Variants in TRAPPC9 observed in about 807,000 individuals in gnomAD.
The protein encoded by TRAPPC9 is IKK2 binding protein.
In TRAPPC9, 83 loss-of-function variants were observed where a neutral mutation model predicts 124.0. That is an observed-to-expected ratio of 0.67 (90% CI 0.56 to 0.80). TRAPPC9 has a LOEUF of 0.80. Ranked by LOEUF, TRAPPC9 falls within the 30% of genes least tolerant of loss-of-function variation. The pLI is 0.00. For missense variants in TRAPPC9, 1,302 were observed against 1,508.3 expected, an observed-to-expected ratio of 0.86 and a Z score of 2.27; for synonymous variants, 638 against 617.5, an observed-to-expected ratio of 1.03 and a Z score of -0.49.
intron 21 of TRAPPC9, among the ~76,000 whole-genome samples, chr8:139,864,195 A>T (rs1156939479): frequency 2.6e-5 from 4 of 152,208 alleles, no homozygotes; most frequent in African/African-American, 7.2e-5. Flanking sequence ...AAGAGATTCC[A>T]TTCACTGGTA....
chr8:140,223,369 G>A (rs915811717), intron 16 of TRAPPC9, among the ~76,000 whole-genome samples: 2 of 152,202 alleles, frequency 1.3e-5, no homozygotes, highest in Non-Finnish European at 1.5e-5. Context: ...CATACTGGCA[G>A]TCATTGATCC....
chr8:140,451,628 G>A (rs932361300), intron 1 of TRAPPC9, among the ~76,000 whole-genome samples: 29 of 152,162 alleles, frequency 1.9e-4, no homozygotes, highest in African/African-American at 7.0e-4. Context: ...GCTGTTTCTT[G>A]TCTTTCTATT....
intron 21 of TRAPPC9, among the ~76,000 whole-genome samples, chr8:139,793,288 G>A (rs959322120): frequency 2.0e-5 from 3 of 152,200 alleles, no homozygotes; most frequent in Non-Finnish European, 4.4e-5. Context: ...TTCCATCCAC[G>A]CAAAGTGCCC....
At chr8:140,191,114 C>T (rs1587889889) in intron 17 of TRAPPC9, among the ~76,000 whole-genome samples, 1 of 152,184 alleles carries the variant, frequency 6.6e-6, no homozygotes, top group Non-Finnish European at 1.5e-5. Flanking sequence ...CAAGTGCATT[C>T]GCTCAGGCTT....
chr8:140,349,828 T>TA (rs1165921613), intron 9 of TRAPPC9, among the ~76,000 whole-genome samples: 1 of 152,046 alleles, frequency 6.6e-6, no homozygotes, highest in Admixed American at 6.5e-5. Context: ...CTGATGAGGG[T>TA]AACGGGCTGC....
chr8:140,401,646 CAG>C (rs1337046320), intron 6 of TRAPPC9, among the ~76,000 whole-genome samples: 1 of 151,540 alleles, frequency 6.6e-6, no homozygotes, highest in Non-Finnish European at 1.5e-5. Flanking sequence ...TTTTTTGAGA[CAG>C]AGTCTTGCTC....
rs763921174 is a variant in TRAPPC9 at position 139,857,393 on chromosome 8, C to T, written c.3055+28486G>A. Among the ~76,000 whole-genome samples the T allele has an allele frequency of 1.9e-3, 287 of 152,216 alleles. 6 individuals are homozygous for T. Among genetic ancestry groups the T allele is most frequent in the Non-Finnish European group, 2.4e-3 (161 of 68,026 alleles). ...GCTCGCTGACAATCTGAGTGCGATT[C>T]TCCCCACATCCCAACAGCAACCCAA... is the stretch of plus-strand genomic sequence containing the variant. On this transcript the variant is annotated intron_variant, in intron 21 of 22. Transcript: ENST00000438773.
At chr8:140,183,196 G>T (rs922306142) in intron 17 of TRAPPC9, among the ~76,000 whole-genome samples, 2 of 152,164 alleles carry the variant, frequency 1.3e-5, no homozygotes, top group African/African-American at 4.8e-5. Context: ...TTGGGCACTG[G>T]AAGGGAATAA....
intron 21 of TRAPPC9, among the ~76,000 whole-genome samples, chr8:139,771,686 C>T (rs544093569): frequency 4.6e-5 from 7 of 152,324 alleles, no homozygotes; most frequent in Non-Finnish European, 1.0e-4. Flanking sequence ...GAGGACCACA[C>T]GGATATTTGT....
intron 19 of TRAPPC9, among the ~76,000 whole-genome samples, chr8:139,941,106 G>A (rs1833889467): frequency 6.6e-6 from 1 of 152,212 alleles, no homozygotes; most frequent in Admixed American, 6.5e-5. Context: ...GCCTGTCTGG[G>A]CCTCAGCTGC....
chr8:139,739,742 C>T (rs1400617345), intron 21 of TRAPPC9, among the ~76,000 whole-genome samples: 1 of 152,226 alleles, frequency 6.6e-6, no homozygotes, highest in Non-Finnish European at 1.5e-5. Flanking sequence ...CTGAAGCGAC[C>T]TTGTTTATCG....
chr8:139,942,523 C>T (rs1315206426), intron 19 of TRAPPC9, among the ~76,000 whole-genome samples: 1 of 152,172 alleles, frequency 6.6e-6, no homozygotes, highest in African/African-American at 2.4e-5. Flanking sequence ...ATAGGTGTAA[C>T]AAGAGTTCCA....
chr8:139,732,843 ACC>A lies in TRAPPC9; in HGVS notation c.3056-643_3056-642del, dbSNP rs550287427. On this transcript the variant is annotated intron_variant, in intron 21 of 22. Transcript: ENST00000438773. ...AGTGGCACGGTTCTGGGACCCGTGG[ACC>A]CTGCCAGGCAGGGAGCTGGTCCTGG... is the stretch of plus-strand genomic sequence containing the variant. Among the ~76,000 whole-genome samples, 1,278 of 151,810 alleles carry A rather than the reference ACC, an allele frequency of 8.4e-3. 13 individuals carry two copies. Among genetic ancestry groups the A allele is most frequent in the African/African-American group, 0.029 (1,187 of 41,372 alleles).
At chr8:140,457,250 G>A (rs1163698618) in intron 1 of TRAPPC9, among the ~76,000 whole-genome samples, 1 of 152,156 alleles carries the variant, frequency 6.6e-6, no homozygotes, top group Admixed American at 6.5e-5. Flanking sequence ...CCAGCGCCGC[G>A]GACGGCCCGG....
chr8:140,320,187 A>C (rs1453716845), intron 9 of TRAPPC9, among the ~76,000 whole-genome samples: 1 of 152,168 alleles, frequency 6.6e-6, no homozygotes, highest in African/African-American at 2.4e-5. Context: ...TTAGTATTTG[A>C]ATGGTTTTCT....
intron 18 of TRAPPC9, among the ~76,000 whole-genome samples, chr8:140,011,659 A>G (rs1839137984): frequency 1.6e-5 from 2 of 124,788 alleles, no homozygotes; most frequent in South Asian, 5.5e-4. Context: ...GCATGCCACC[A>G]CACCCAGCTA....
intron 7 of TRAPPC9, among the ~76,000 whole-genome samples, chr8:140,396,712 C>T (rs1465319862): frequency 6.6e-6 from 1 of 152,126 alleles, no homozygotes; most frequent in Non-Finnish European, 1.5e-5. Flanking sequence ...CTCTTCTTTA[C>T]CTGGCTATCT....
intron 11 of TRAPPC9, among the ~76,000 whole-genome samples, chr8:140,299,648 A>G (rs913969131): frequency 6.6e-6 from 1 of 152,212 alleles, no homozygotes; most frequent in Non-Finnish European, 1.5e-5. Context: ...GGCAGTCACA[A>G]TCTCCTGCAA....
At chr8:139,925,017 C>T (rs182178297) in intron 19 of TRAPPC9, among the ~76,000 whole-genome samples, 22 of 152,258 alleles carry the variant, frequency 1.4e-4, no homozygotes, top group South Asian at 8.3e-4. Context: ...TTCTCCAGCA[C>T]GAGGGGCCAC....
Sources: allele counts gnomAD v4.1 joint callset (sites outside exome capture counted in the v4.1 genomes callset), GRCh38; gene constraint gnomAD v4.1.1; transcripts MANE v1.5; gene names NCBI Gene and HGNC (gene_info 2026-07-23, HGNC 2026-07-21).